PRELID2: variants seen among roughly 807,000 people sequenced by gnomAD.
The protein encoded by PRELID2 is PRELI domain-containing protein 2.
A neutral mutation model predicts 28.4 loss-of-function variants in PRELID2; 25 were observed. The ratio of observed to expected loss-of-function variants is 0.88; its 90% CI spans 0.64 to 1.23. The LOEUF is 1.23. PRELID2 is among the 50% of genes most tolerant of loss of function. The pLI, the probability that PRELID2 is intolerant of heterozygous loss-of-function variation, is 0.00. For synonymous variants in PRELID2, 76 were observed against 71.6 expected, an observed-to-expected ratio of 1.06 and a Z score of -0.31; for missense variants, 201 against 214.4, an observed-to-expected ratio of 0.94 and a Z score of 0.39.
chr5:145,655,231 T>A (rs1222121753), intron 1 of PRELID2, among the ~76,000 whole-genome samples: 6 of 151,944 alleles, frequency 3.9e-5, no homozygotes, highest in Non-Finnish European at 2.9e-5. Flanking sequence ...TACAAACCAC[T>A]GCTCAATGAA....
At chr5:145,548,064 G>A (rs755999880) in intron 1 of PRELID2, among the ~76,000 whole-genome samples, 2 of 152,166 alleles carry the variant, frequency 1.3e-5, no homozygotes, top group Non-Finnish European at 2.9e-5. Flanking sequence ...CCAACTGAGA[G>A]AGTTTCTCAA....
At chr5:145,440,606 G>A in the PRELID2 span, among the ~76,000 whole-genome samples, 7 of 151,992 alleles carry the variant, frequency 4.6e-5, no homozygotes, top group South Asian at 2.1e-4. Context: ...TCCTTTGCTC[G>A]GCTTTTTATT....
the PRELID2 span, among the ~76,000 whole-genome samples, chr5:145,374,594 C>T: frequency 6.6e-6 from 1 of 152,098 alleles, no homozygotes; most frequent in African/African-American, 2.4e-5. Flanking sequence ...TGTTTCCATT[C>T]TCTCCATCTC....
chr5:145,651,683 C>A (rs1754300583), intron 1 of PRELID2, among the ~76,000 whole-genome samples: 1 of 152,240 alleles, frequency 6.6e-6, no homozygotes, highest in African/African-American at 2.4e-5. Context: ...AACAGACCTG[C>A]AGCTGAGGGT....
intron 1 of PRELID2, among the ~76,000 whole-genome samples, chr5:145,600,778 C>T (rs1390224313): frequency 6.6e-6 from 1 of 152,008 alleles, no homozygotes; most frequent in African/African-American, 2.4e-5. Context: ...CCAATAAGGA[C>T]TTCAGATACT....
At chr5:145,418,251 A>T in the PRELID2 span, among the ~76,000 whole-genome samples, 1 of 152,196 alleles carries the variant, frequency 6.6e-6, no homozygotes, top group Non-Finnish European at 1.5e-5. Flanking sequence ...ACATAAACAA[A>T]TGGAAGAACC....
intron 5 of PRELID2, among the ~76,000 whole-genome samples, chr5:145,779,746 T>G (rs338890): frequency 0.84 from 127,321 of 152,086 alleles, 53,790 homozygotes; most frequent in East Asian, 0.95. Flanking sequence ...TCATAAGATA[T>G]ATAGTATTAT....
At chr5:145,371,885 T>TAAA in the PRELID2 span, among the ~76,000 whole-genome samples, 43,912 of 123,408 alleles carry the variant, frequency 0.36, 7,321 homozygotes, top group East Asian at 0.75. Flanking sequence ...TTTTGTTAAT[T>TAAA]TAAAAAAAAA....
chr5:145,653,390 C>T (rs950912532), intron 1 of PRELID2, among the ~76,000 whole-genome samples: 2 of 152,188 alleles, frequency 1.3e-5, no homozygotes, highest in East Asian at 1.9e-4. Context: ...CAGCTCTGCA[C>T]CAGTGGACCT....
chr5:145,690,731 G>A (rs1201545765), intron 1 of PRELID2, among the ~76,000 whole-genome samples: 1 of 152,152 alleles, frequency 6.6e-6, no homozygotes, highest in Admixed American at 6.5e-5. Context: ...CACTCACTAT[G>A]AAAAGATGCA....
intron 5 of PRELID2, among the ~76,000 whole-genome samples, chr5:145,765,574 G>A (rs957416409): frequency 2.6e-5 from 4 of 152,176 alleles, no homozygotes; most frequent in Non-Finnish European, 5.9e-5. Flanking sequence ...TATGTACAGC[G>A]GTATAAAGAC....
At chr5:145,599,978 A>C (rs561788140) in intron 1 of PRELID2, among the ~76,000 whole-genome samples, 73 of 152,280 alleles carry the variant, frequency 4.8e-4, no homozygotes, top group African/African-American at 1.8e-3. Flanking sequence ...CAATAACAAA[A>C]ACCAAAGAGA....
intron 1 of PRELID2, among the ~76,000 whole-genome samples, chr5:145,676,432 G>C (rs1410345094): frequency 6.6e-6 from 1 of 151,992 alleles, no homozygotes; most frequent in African/African-American, 2.4e-5. Context: ...CTAGCCACTC[G>C]GGAGGCTGAG....
chr5:145,694,136 T>C (rs1021596759), intron 1 of PRELID2, among the ~76,000 whole-genome samples: 1 of 152,154 alleles, frequency 6.6e-6, no homozygotes. Flanking sequence ...TCAATATAAA[T>C]AAATACACAC....
the PRELID2 span, among the ~76,000 whole-genome samples, chr5:145,329,468 T>G: frequency 6.6e-6 from 1 of 152,186 alleles, no homozygotes; most frequent in African/African-American, 2.4e-5. Flanking sequence ...AGCACTGGTT[T>G]GTAGTTCTCC....
chr5:145,282,432 A>G, the PRELID2 span, among the ~76,000 whole-genome samples: 1 of 152,190 alleles, frequency 6.6e-6, no homozygotes. Flanking sequence ...ATTAAATGGA[A>G]TCTTTTGTCT....
the PRELID2 span, among the ~76,000 whole-genome samples, chr5:145,369,370 G>A: frequency 2.6e-5 from 4 of 151,906 alleles, no homozygotes; most frequent in African/African-American, 9.7e-5. Context: ...GAGACCATGT[G>A]GTGTTTGGTT....
intron 1 of PRELID2, among the ~76,000 whole-genome samples, chr5:145,726,462 A>AAGTCTGTCTTGGTCAATGCCTATT (rs1756169263): frequency 6.6e-6 from 1 of 152,224 alleles, no homozygotes; most frequent in African/African-American, 2.4e-5. Context: ...GAAGAACATT[A>AAGTCTGTCTTGGTCAATGCCTATT]AGTCTGTCTT....
chr5:145,396,758 C>T, the PRELID2 span, among the ~76,000 whole-genome samples: 21 of 151,928 alleles, frequency 1.4e-4, no homozygotes, highest in African/African-American at 4.3e-4. Flanking sequence ...AGAATAAATG[C>T]TATGGAAGCA....
Sources: allele counts gnomAD v4.1 joint callset (sites outside exome capture counted in the v4.1 genomes callset), GRCh38; gene constraint gnomAD v4.1.1; transcripts MANE v1.5; gene names NCBI Gene and HGNC (gene_info 2026-07-23, HGNC 2026-07-21).